The following CADPS variants were observed in gnomAD, a reference collection of about 807,000 sequenced individuals.
CADPS encodes the protein calcium-dependent secretion activator 1.
In CADPS, 57 loss-of-function variants were observed where a neutral mutation model predicts 167.3. The observed-to-expected ratio is 0.34, with a 90% confidence interval of 0.28 to 0.42. The LOEUF (loss-of-function observed/expected upper bound fraction) is 0.42. Ranked by LOEUF, CADPS falls within the 20% of genes least tolerant of loss-of-function variation. The pLI is 1.00. For synonymous variants in CADPS, 676 were observed against 635.3 expected (o/e 1.06, Z -0.96); for missense variants, 1,414 against 1,738.1 (o/e 0.81, Z 3.32).
chr3:62,562,353 T>C (rs1173447161), intron 9 of CADPS, among the ~76,000 whole-genome samples: 2 of 152,052 alleles, frequency 1.3e-5, no homozygotes, highest in East Asian at 3.9e-4. Context: ...GATTTTAGAG[T>C]CATGCAGAAC....
At chr3:62,559,732 G>C (rs991576766) in intron 9 of CADPS, among the ~76,000 whole-genome samples, 3 of 152,116 alleles carry the variant, frequency 2.0e-5, no homozygotes, top group African/African-American at 7.2e-5. Context: ...GACTTCAGGT[G>C]ATCTGCCCGC....
intron 12 of CADPS, chr3:62,536,171 C>T (rs2074652690): frequency 3.1e-6 from 1 of 320,062 alleles, no homozygotes; most frequent in Non-Finnish European, 5.8e-6. Context: ...ACTCGATTAC[C>T]CTCTTGGGAA....
intron 3 of CADPS, among the ~76,000 whole-genome samples, chr3:62,693,991 A>T (rs546392713): frequency 6.6e-6 from 1 of 152,134 alleles, no homozygotes; most frequent in Non-Finnish European, 1.5e-5. Context: ...TAGGAGGACA[A>T]AGTGACATGT....
At chr3:62,807,864 C>CTTTTTTTTT (rs1487544087) in intron 1 of CADPS, among the ~76,000 whole-genome samples, 1 of 149,254 alleles carries the variant, frequency 6.7e-6, no homozygotes, top group East Asian at 1.9e-4. Flanking sequence ...CTTGGTATTT[C>CTTTTTTTTT]TTTTTTCTTT....
At chr3:62,751,700 C>T (rs147831696) in intron 3 of CADPS, among the ~76,000 whole-genome samples, 2,421 of 152,244 alleles carry the variant, frequency 0.016, 70 homozygotes, top group African/African-American at 0.055. Flanking sequence ...AGATTACAGG[C>T]ATGAGCCACC....
At position 62,455,661 on chromosome 3, in the gene CADPS, G is replaced by GC. The variant is rs1015757230; in HGVS notation, c.3636+9705dup. On this transcript the variant is annotated intron_variant, in intron 26 of 29. Transcript: ENST00000383710. The surrounding 1 kb of genome is among the most constrained non-coding windows in gnomAD (Gnocchi z 4.4). ...TTATTTTTGCGGATTTTAAGTGGGG[G>GC]CCCCTGCCCCCTTCTGGCATTTTTG... is the stretch of plus-strand genomic sequence containing the variant. Among the ~76,000 whole-genome samples, 8 of 152,166 alleles carry GC rather than the reference G, an allele frequency of 5.3e-5. No individual in the cohort carries two copies. In the East Asian group the frequency reaches 1.5e-3, roughly 29 times the overall value.
intron 28 of CADPS, among the ~76,000 whole-genome samples, chr3:62,418,743 G>C (rs571087565): frequency 6.6e-6 from 1 of 151,936 alleles, no homozygotes; most frequent in South Asian, 2.1e-4. Flanking sequence ...TGAACTCAAG[G>C]TGCCCAAATA....
chr3:62,523,516 T>C (rs1300776806), intron 13 of CADPS, among the ~76,000 whole-genome samples: 1 of 152,172 alleles, frequency 6.6e-6, no homozygotes, highest in Non-Finnish European at 1.5e-5. Flanking sequence ...AGAATGGTTC[T>C]CCATATTATG....
At chr3:62,607,171 T>G (rs1432739275) in intron 6 of CADPS, among the ~76,000 whole-genome samples, 3 of 152,190 alleles carry the variant, frequency 2.0e-5, no homozygotes, top group Non-Finnish European at 4.4e-5. Context: ...AGCCCTTGCA[T>G]ATTATATAAA....
At chr3:62,712,297 G>T (rs62244479) in intron 3 of CADPS, among the ~76,000 whole-genome samples, 33,347 of 152,062 alleles carry the variant, frequency 0.22, 4,972 homozygotes, top group East Asian at 0.68. Flanking sequence ...CAGAAAGACT[G>T]CCTGTTTCTA....
chr3:62,600,659 G>A (rs576461578), intron 6 of CADPS, among the ~76,000 whole-genome samples: 1 of 152,308 alleles, frequency 6.6e-6, no homozygotes, highest in South Asian at 2.1e-4. Context: ...AAATCACTAT[G>A]ATAGGCACTG....
intron 1 of CADPS, among the ~76,000 whole-genome samples, chr3:62,794,003 C>G (rs1448655907): frequency 2.0e-5 from 3 of 152,164 alleles, no homozygotes; most frequent in Non-Finnish European, 4.4e-5. Flanking sequence ...ATCCCTCACC[C>G]TCTCAAATGA....
intron 9 of CADPS, among the ~76,000 whole-genome samples, chr3:62,567,636 G>A (rs754273582): frequency 4.1e-4 from 51 of 123,052 alleles, no homozygotes; most frequent in Non-Finnish European, 5.8e-4. Flanking sequence ...ATGCAGTGGC[G>A]CAATCTCAGC....
At chr3:62,827,631 G>A (rs1414843152) in intron 1 of CADPS, among the ~76,000 whole-genome samples, 1 of 152,152 alleles carries the variant, frequency 6.6e-6, no homozygotes, top group East Asian at 1.9e-4. Flanking sequence ...GAATAATCAG[G>A]AAACTGATCT....
At chr3:62,832,555 CTG>C (rs2075271836) in intron 1 of CADPS, among the ~76,000 whole-genome samples, 1 of 152,174 alleles carries the variant, frequency 6.6e-6, no homozygotes, top group Admixed American at 6.5e-5. Flanking sequence ...TACATTTGAC[CTG>C]TGGAGCAGAG....
At chr3:62,811,548 T>C (rs2094395527) in intron 1 of CADPS, among the ~76,000 whole-genome samples, 1 of 152,230 alleles carries the variant, frequency 6.6e-6, no homozygotes, top group African/African-American at 2.4e-5. Context: ...TAAAGTCTTA[T>C]CTCAATCCTA....
intron 1 of CADPS, among the ~76,000 whole-genome samples, chr3:62,801,198 A>G (rs1279282531): frequency 1.3e-5 from 2 of 152,208 alleles, no homozygotes; most frequent in African/African-American, 4.8e-5. Flanking sequence ...TGCTTATAAT[A>G]TAAGAAAAGA....
At chr3:62,527,686 G>A (rs1486254068) in intron 13 of CADPS, among the ~76,000 whole-genome samples, 1 of 152,200 alleles carries the variant, frequency 6.6e-6, no homozygotes, top group East Asian at 1.9e-4. Context: ...CACGTCAGTG[G>A]TCATTAATGA....
At chr3:62,723,394 C>T (rs902666427) in intron 3 of CADPS, among the ~76,000 whole-genome samples, 19 of 152,098 alleles carry the variant, frequency 1.2e-4, no homozygotes, top group East Asian at 3.9e-4. Flanking sequence ...AGGTTGCAGA[C>T]GGGTAGAGGA....
Sources: allele counts gnomAD v4.1 joint callset (sites outside exome capture counted in the v4.1 genomes callset), GRCh38; gene constraint gnomAD v4.1.1; non-coding constraint Gnocchi (gnomAD v3.1); transcripts MANE v1.5; gene names NCBI Gene and HGNC (gene_info 2026-07-23, HGNC 2026-07-21).